TBC1D5: variants seen among roughly 807,000 people sequenced by gnomAD.
TBC1D5 encodes the protein TBC1 domain family member 5, also known as TBC1 domain family, member 5.
Under a neutral mutation model 100.3 loss-of-function variants are expected in TBC1D5, and 75 were observed. The ratio of observed to expected loss-of-function variants is 0.75; its 90% CI spans 0.62 to 0.91. TBC1D5 has a LOEUF of 0.91. Among genes scored for constraint, TBC1D5 ranks in the 40% least tolerant of loss-of-function variants. The pLI is 0.00. For synonymous variants in TBC1D5, 323 were observed against 325.6 expected (o/e 0.99, Z 0.09); for missense variants, 910 against 942.4 (o/e 0.97, Z 0.45).
intron 2 of TBC1D5, among the ~76,000 whole-genome samples, chr3:17,558,351 A>T (rs932076200): frequency 1.3e-5 from 2 of 152,212 alleles, no homozygotes; most frequent in Non-Finnish European, 2.9e-5. Flanking sequence ...ATTTAATAGT[A>T]ATAATTGCCA....
intron 2 of TBC1D5, among the ~76,000 whole-genome samples, chr3:17,610,298 C>G (rs532907169): frequency 6.6e-6 from 1 of 151,998 alleles, no homozygotes; most frequent in Non-Finnish European, 1.5e-5. Flanking sequence ...GATCCTCTCA[C>G]CTCAGCCTCC....
intron 1 of TBC1D5, among the ~76,000 whole-genome samples, chr3:17,636,211 A>G (rs1007460404): frequency 7.2e-5 from 11 of 152,128 alleles, no homozygotes; most frequent in Non-Finnish European, 1.6e-4. Context: ...TGTTTTTCAG[A>G]TGGGAAAAAA....
intron 1 of TBC1D5, among the ~76,000 whole-genome samples, chr3:17,670,154 C>A (rs2067774102): frequency 1.3e-5 from 2 of 152,188 alleles, no homozygotes; most frequent in African/African-American, 2.4e-5. Flanking sequence ...TCCCAAAGTG[C>A]TGGGATTACA....
chr3:17,160,358 G>A (rs916291728), exon 22 of TBC1D5: 1 of 152,258 alleles, frequency 6.6e-6, no homozygotes, highest in South Asian at 2.1e-4. Context: ...AACTTTGAGA[G>A]GTCAGTAATG....
At chr3:17,674,767 T>C (rs1011374101) in intron 1 of TBC1D5, among the ~76,000 whole-genome samples, 4 of 151,932 alleles carry the variant, frequency 2.6e-5, no homozygotes, top group Non-Finnish European at 4.4e-5. Context: ...CAGTAAACAA[T>C]AAAAGATGGA....
chr3:17,651,780 T>C (rs997107526), intron 1 of TBC1D5, among the ~76,000 whole-genome samples: 6 of 152,082 alleles, frequency 3.9e-5, no homozygotes, highest in Non-Finnish European at 7.4e-5. Context: ...CAATATCATA[T>C]ATCCATTGTT....
chr3:17,641,328 T>C (rs1241160060), intron 1 of TBC1D5, among the ~76,000 whole-genome samples: 2 of 152,092 alleles, frequency 1.3e-5, no homozygotes. Flanking sequence ...TGGTGGCTAT[T>C]GGTTTCATGG....
At chr3:17,221,416 C>T (rs1486732746) in intron 17 of TBC1D5, among the ~76,000 whole-genome samples, 1 of 152,078 alleles carries the variant, frequency 6.6e-6, no homozygotes, top group African/African-American at 2.4e-5. Context: ...GATATATCTC[C>T]TAATGCTATC....
intron 2 of TBC1D5, among the ~76,000 whole-genome samples, chr3:17,520,392 T>C (rs949517351): frequency 2.0e-5 from 3 of 152,138 alleles, no homozygotes; most frequent in Non-Finnish European, 4.4e-5. Context: ...GAAAGGGAGA[T>C]GAAATTTTTA....
At chr3:17,619,609 A>T (rs930873498) in intron 2 of TBC1D5, among the ~76,000 whole-genome samples, 6 of 152,218 alleles carry the variant, frequency 3.9e-5, no homozygotes, top group Non-Finnish European at 5.9e-5. Flanking sequence ...TGGATCAGAG[A>T]TCTAATCATA....
intron 2 of TBC1D5, among the ~76,000 whole-genome samples, chr3:17,536,515 C>G (rs2096283040): frequency 6.6e-6 from 1 of 152,162 alleles, no homozygotes; most frequent in Non-Finnish European, 1.5e-5. Context: ...AACCAAATCT[C>G]TTGTTAACAA....
At chr3:17,740,009 AC>A (rs1234115279) in exon 1 of TBC1D5, 2 of 151,612 alleles carry the variant, frequency 1.3e-5, no homozygotes, top group South Asian at 2.1e-4. Context: ...TTTCAAAAAA[AC>A]AAAAAACAAA....
Position 17,528,098 on chromosome 3 carries a change from C to T in TBC1D5, c.-35-19493G>A, listed in dbSNP as rs751929996. Among the ~76,000 whole-genome samples the T allele has an allele frequency of 6.6e-5, 10 of 152,106 alleles. No homozygotes were observed. In the East Asian group the frequency reaches 1.4e-3, roughly 21 times the overall value. On this transcript the variant is annotated intron_variant, in intron 2 of 21. Transcript: ENST00000253692. The stretch of plus-strand genomic sequence containing the variant: ...TGGCTGAGACAAGGTCTCACCCTGT[C>T]GCCCAGGCCAGAGTGCAGTGGCATG...
chr3:17,478,234 G>A (rs1053881823), intron 3 of TBC1D5, among the ~76,000 whole-genome samples: 6 of 152,030 alleles, frequency 3.9e-5, no homozygotes, highest in African/African-American at 1.4e-4. Flanking sequence ...TTTCGGTAAT[G>A]CCATCTTTTT....
intron 2 of TBC1D5, among the ~76,000 whole-genome samples, chr3:17,582,657 C>A: frequency 1.4e-5 from 2 of 146,506 alleles, no homozygotes; most frequent in Admixed American, 6.7e-5. Context: ...ATTTAGGAGC[C>A]CAAAAGTACA....
chr3:17,166,220 C>G (rs982435506), intron 21 of TBC1D5, among the ~76,000 whole-genome samples: 8 of 152,000 alleles, frequency 5.3e-5, no homozygotes, highest in Admixed American at 5.2e-4. Flanking sequence ...GTATGTGACA[C>G]AGATGACCAT....
chr3:17,535,272 T>G (rs1304264302), intron 2 of TBC1D5, among the ~76,000 whole-genome samples: 1 of 152,176 alleles, frequency 6.6e-6, no homozygotes, highest in East Asian at 1.9e-4. Flanking sequence ...CAAAGCTATC[T>G]CCCAACAGGT....
chr3:17,358,584 T>G (rs565437575), intron 13 of TBC1D5, among the ~76,000 whole-genome samples: 1 of 152,200 alleles, frequency 6.6e-6, no homozygotes, highest in Non-Finnish European at 1.5e-5. Flanking sequence ...CTACTGAGCA[T>G]AGGTGCAATC....
chr3:17,514,592 T>C lies in TBC1D5; in HGVS notation c.-35-5987A>G, dbSNP rs534265307. 2.1e-4 allele frequency among the ~76,000 whole-genome samples: 32 copies of C among 152,136 alleles called. No individual in the cohort carries two copies. The South Asian group carries it at 6.4e-3, about 31-fold the overall frequency. ...ATTAAAATACTAGACTCATAAACAA[T>C]ATACCTACTGAGAAATATGCAGAAT... On this transcript the variant is annotated intron_variant, in intron 2 of 21. Transcript: ENST00000253692.
Sources: allele counts gnomAD v4.1 joint callset (sites outside exome capture counted in the v4.1 genomes callset), GRCh38; gene constraint gnomAD v4.1.1; transcripts MANE v1.5; gene names NCBI Gene and HGNC (gene_info 2026-07-23, HGNC 2026-07-21).